Variants in MARCO observed in about 807,000 individuals in gnomAD.
The protein encoded by MARCO is macrophage receptor MARCO.
In MARCO, 72 loss-of-function variants were observed where a neutral mutation model predicts 70.0. The observed-to-expected ratio is 1.03, with a 90% CI of 0.85 to 1.25. The LOEUF (loss-of-function observed/expected upper bound fraction) is 1.25. MARCO is among the 50% of genes most tolerant of loss of function. MARCO has a pLI of 0.00. For missense variants in MARCO, 696 were observed against 659.3 expected, an observed-to-expected ratio of 1.06 and a Z score of -0.61; for synonymous variants, 273 against 243.1, an observed-to-expected ratio of 1.12 and a Z score of -1.14.
At chr2:118,977,675 C>T (rs2278590) in intron 7 of MARCO, among the ~76,000 whole-genome samples, 153 bp from the exon 8 acceptor site, 18,681 of 146,942 alleles carry the variant, frequency 0.13, 2,107 homozygotes, top group African/African-American at 0.3. Context: ...CACATTTCTT[C>T]AAGACCACCC....
At chr2:118,993,392 T>A in intron 16 of MARCO, 92 bp downstream of exon 16, 2 of 1,329,318 alleles carry the variant, frequency 1.5e-6, no homozygotes, top group Non-Finnish European at 2.1e-6. Flanking sequence ...CTCAGTGTGG[T>A]TTTCTTTAAA....
In MARCO at chr2:118,969,300, G is replaced by A. The variant is rs187099111; in HGVS notation, c.199+39G>A. 5,974 of 1,555,868 alleles carry A rather than the reference G, an allele frequency of 3.8e-3. 59 individuals are homozygous for A. Among genetic ancestry groups the A allele is most frequent in the Non-Finnish European group, 3.0e-3 (3,371 of 1,127,896 alleles). On this transcript the variant is annotated intron_variant, in intron 2 of 16. Coordinates refer to ENST00000327097, the MANE Select transcript of MARCO (RefSeq NM_006770.4). The stretch of plus-strand genomic sequence containing the variant: ...GGTCCTGTGTAGTCCCTCCTGGGGG[G>A]AGAGGGGTGACCCAGCTGGGCCCCT...
At chr2:118,978,911 C>T (rs1336961550) in intron 8 of MARCO, among the ~76,000 whole-genome samples, 2 of 152,148 alleles carry the variant, frequency 1.3e-5, no homozygotes, top group African/African-American at 4.8e-5. Flanking sequence ...ACTTCAGTTT[C>T]AAGATCAGAC....
At position 118,956,377 on chromosome 2, in the gene MARCO, A is replaced by C. The variant is rs573970467; in HGVS notation, c.98-12783A>C. Among the ~76,000 whole-genome samples the C allele has an allele frequency of 2.0e-5, 3 of 152,342 alleles. No individual in the cohort carries two copies. The South Asian group carries it at 6.2e-4, about 32-fold the overall frequency. ...CAGACAAAACAATCTTTAAAGTAAC[A>C]GAGGTTAAAAGAGACAAAAAGGGAC... On this transcript the variant is annotated intron_variant, in intron 1 of 16. Transcript: ENST00000327097.
At chr2:118,986,738 G>GAA (rs1558672088) in intron 12 of MARCO, among the ~76,000 whole-genome samples, 7 of 140,708 alleles carry the variant, frequency 5.0e-5, no homozygotes, top group Middle Eastern at 3.4e-3. Context: ...AAGAAAGAAA[G>GAA]AGAAAGAAAG....
intron 3 of MARCO, 64 bp downstream of exon 3, chr2:118,970,402 G>A: frequency 7.6e-7 from 1 of 1,315,192 alleles, no homozygotes; most frequent in South Asian, 1.3e-5. Context: ...GCGGGATCAG[G>A]AACCAGGAAA....
chr2:118,945,546 G>A (rs1033914286), intron 1 of MARCO, among the ~76,000 whole-genome samples: 4 of 151,776 alleles, frequency 2.6e-5, no homozygotes, highest in African/African-American at 9.7e-5. Flanking sequence ...CCTAGTAGCT[G>A]GGATTACAGG....
chr2:118,957,819 A>T (rs1334602383), intron 1 of MARCO, among the ~76,000 whole-genome samples: 1 of 152,194 alleles, frequency 6.6e-6, no homozygotes, highest in African/African-American at 2.4e-5. Context: ...AGTGGGTTTC[A>T]TAGCAGGGGT....
chr2:118,961,479 C>T (rs1351476296), intron 1 of MARCO, among the ~76,000 whole-genome samples: 1 of 152,098 alleles, frequency 6.6e-6, no homozygotes, highest in African/African-American at 2.4e-5. Flanking sequence ...TGATGTTGAA[C>T]TTTCTTTTCT....
intron 10 of MARCO, 26 bp from the exon 11 acceptor site, chr2:118,982,130 C>T: frequency 6.4e-7 from 1 of 1,564,466 alleles, no homozygotes; most frequent in Non-Finnish European, 8.8e-7. Context: ...ACCACCACAG[C>T]CTGGCAGTCA....
At chr2:118,946,579 C>T (rs1049452710) in intron 1 of MARCO, among the ~76,000 whole-genome samples, 2 of 152,094 alleles carry the variant, frequency 1.3e-5, no homozygotes, top group Admixed American at 1.3e-4. Flanking sequence ...CACTGAAGGA[C>T]ATTTGGGTTG....
At chr2:118,954,133 C>T (rs991152558) in intron 1 of MARCO, among the ~76,000 whole-genome samples, 3 of 152,208 alleles carry the variant, frequency 2.0e-5, no homozygotes, top group Admixed American at 6.5e-5. Context: ...ATCTAAAGCC[C>T]TTGTCTTTGG....
chr2:118,981,392 A>C lies in MARCO; in HGVS notation c.767-17A>C. On this transcript the variant is annotated splice_polypyrimidine_tract_variant and intron_variant, in intron 8 of 16. Transcript: ENST00000327097. ...GGAGTTCCTCCCACAACTAACCAAG[A>C]CTTTTTGGTTTTTCAGGAAGCAAAG... 1.3e-6 allele frequency: 2 copies of C among 1,567,300 alleles called. No individual in the cohort carries two copies. The highest frequency in any genetic ancestry group is 4.5e-5 in the East Asian group (2 of 44,644).
intron 1 of MARCO, among the ~76,000 whole-genome samples, chr2:118,954,736 G>C (rs12711915): frequency 0.32 from 48,847 of 152,052 alleles, 8,818 homozygotes; most frequent in South Asian, 0.58. Flanking sequence ...TGGTTCACAT[G>C]AGAGGACTTT....
At chr2:118,954,211 C>T (rs1288552611) in intron 1 of MARCO, among the ~76,000 whole-genome samples, 1 of 152,204 alleles carries the variant, frequency 6.6e-6, no homozygotes, top group East Asian at 1.9e-4. Context: ...TGGAAACACA[C>T]TTGGGGCTGT....
chr2:118,988,678 A>C (rs909171998), intron 12 of MARCO, among the ~76,000 whole-genome samples: 11 of 152,114 alleles, frequency 7.2e-5, no homozygotes, highest in African/African-American at 4.8e-5. Flanking sequence ...CGCCCAACCC[A>C]TCTTGGCGTA....
In MARCO at chr2:118,982,172, G is replaced by T; in HGVS notation, c.918G>T (p.Gln306His). The part of the protein sequence containing the change: ...AKGDQGQPGL[Q>H]GVPGPPGAVG... ...TCCTTTCAGGACAACCTGGACTGCAGGGTGTTCCGGGCCCTCCTGGTGCAG... is the reference window on the plus strand; with the variant it reads ...TCCTTTCAGGACAACCTGGACTGCATGGTGTTCCGGGCCCTCCTGGTGCAG... Residue 306 changes from glutamine (Q) to histidine (H), a missense_variant, in exon 11 of 17, where the codon CAG becomes CAT. Gln to His is a conservative substitution (Grantham distance 24). This residue lies in a region of MARCO where 605 missense variants were observed against 537.6 expected (regional missense o/e 1.13). Transcript: ENST00000327097. 1 of 1,611,806 alleles carries T rather than the reference G, an allele frequency of 6.2e-7. No individual in the cohort carries two copies. The highest frequency in any genetic ancestry group is 8.5e-7 in the Non-Finnish European group (1 of 1,178,440).
intron 6 of MARCO, among the ~76,000 whole-genome samples, chr2:118,975,808 C>CATAGA (rs1680271530): frequency 6.6e-6 from 1 of 152,214 alleles, no homozygotes; most frequent in African/African-American, 2.4e-5. Context: ...ACACCCGTGT[C>CATAGA]TGAGCACACA....
At chr2:118,993,049 AAAAG>A (rs1680651764) in intron 15 of MARCO, 71 bp from the exon 16 acceptor site, 1 of 1,296,018 alleles carries the variant, frequency 7.7e-7, no homozygotes. Flanking sequence ...CTCCAAAATG[AAAAG>A]AAAGAGCCCG....
Sources: allele counts gnomAD v4.1 joint callset (sites outside exome capture counted in the v4.1 genomes callset), GRCh38; gene constraint gnomAD v4.1.1; regional missense constraint gnomAD v4.1.1; transcripts MANE v1.5; gene names NCBI Gene and HGNC (gene_info 2026-07-23, HGNC 2026-07-21).